KAT6B: variants seen among roughly 807,000 people sequenced by gnomAD.
KAT6B encodes lysine acetyltransferase 6B.
In KAT6B, 10 loss-of-function variants were observed where a neutral mutation model predicts 187.5. The observed-to-expected ratio is 0.05, with a 90% CI of 0.03 to 0.09. The LOEUF (loss-of-function observed/expected upper bound fraction) is 0.09. Among genes scored for constraint, KAT6B ranks in the 10% least tolerant of loss-of-function variants. KAT6B has a pLI of 1.00. For synonymous variants in KAT6B, 861 were observed against 926.8 expected, an observed-to-expected ratio of 0.93 and a Z score of 1.29; for missense variants, 1,952 against 2,558.9, an observed-to-expected ratio of 0.76 and a Z score of 5.12.
chr10:74,858,536 C>T (rs1842962114), intron 3 of KAT6B, among the ~76,000 whole-genome samples: 1 of 152,066 alleles, frequency 6.6e-6, no homozygotes, highest in Non-Finnish European at 1.5e-5. Context: ...CCTTGGCCTC[C>T]CAAAGTTCTG....
chr10:74,935,781 G>A (rs370844020), intron 3 of KAT6B, among the ~76,000 whole-genome samples: 2 of 152,222 alleles, frequency 1.3e-5, no homozygotes, highest in East Asian at 3.8e-4. Flanking sequence ...CCATGTGTAT[G>A]TATGGACACT....
chr10:74,973,811 TTA>T (rs1242418231), intron 7 of KAT6B, among the ~76,000 whole-genome samples: 1 of 152,136 alleles, frequency 6.6e-6, no homozygotes, highest in Non-Finnish European at 1.5e-5. Flanking sequence ...GAAGTAGAAA[TTA>T]TATGTTTTTG....
intron 1 of KAT6B, among the ~76,000 whole-genome samples, chr10:74,830,768 A>AT (rs1157500089): frequency 2.3e-4 from 4 of 17,112 alleles, no homozygotes; most frequent in Non-Finnish European, 3.8e-4. Context: ...ATATATATAT[A>AT]TTTTTTTTTT....
At chr10:74,991,227 A>G (rs1454228452) in intron 13 of KAT6B, among the ~76,000 whole-genome samples, 1 of 152,152 alleles carries the variant, frequency 6.6e-6, no homozygotes, top group Non-Finnish European at 1.5e-5. Flanking sequence ...AGTTTCCTTT[A>G]TAATAATATG....
intron 3 of KAT6B, among the ~76,000 whole-genome samples, chr10:74,953,621 T>C (rs940990980): frequency 9.9e-5 from 15 of 152,180 alleles, no homozygotes; most frequent in Admixed American, 3.9e-4. Flanking sequence ...TTAAGCAGTC[T>C]CATGAAAGAT....
chr10:75,029,058 G>A lies in KAT6B; in HGVS notation c.4234G>A (p.Glu1412Lys), dbSNP rs1475475243. 6.2e-7 allele frequency: 1 copy of A among 1,614,200 alleles called. No homozygotes were observed. Among genetic ancestry groups the A allele is most frequent in the Admixed American group, 1.7e-5 (1 of 60,024 alleles). The change falls in exon 18 of 18, where the codon GAG (glutamate) becomes AAG (lysine). Residue 1412 changes from glutamate (E) to lysine (K), a missense_variant. By Grantham distance (56) the Glu-to-Lys change is moderately conservative. This residue lies in a region of KAT6B where 758 missense variants were observed against 891.4 expected (regional missense o/e 0.85). Transcript: ENST00000287239. This position sits in a 1 kb window ranked among gnomAD's most constrained non-coding sequence, Gnocchi z 6.2. Reference sequence around the variant, plus strand: ...ACGTTTGGATGATCACGAAGAGGAGGAGGAAGAGGATGAAGAGCCATCCCA... The same window carrying A: ...ACGTTTGGATGATCACGAAGAGGAGAAGGAAGAGGATGAAGAGCCATCCCA... ...SARLDDHEEE[E>K]EEDEEPSHNE...
At chr10:74,859,414 A>C in intron 3 of KAT6B, among the ~76,000 whole-genome samples, 1 of 152,304 alleles carries the variant, frequency 6.6e-6, no homozygotes, top group Non-Finnish European at 1.5e-5. Context: ...AGAACCCTCA[A>C]TCAGAGAAGT....
chr10:75,026,939 C>A (rs1175092712), intron 17 of KAT6B, among the ~76,000 whole-genome samples: 1 of 152,102 alleles, frequency 6.6e-6, no homozygotes, highest in Non-Finnish European at 1.5e-5. Flanking sequence ...AGTTCAAGAC[C>A]AGCCTGACCA....
chr10:74,885,401 A>G (rs576454665), intron 3 of KAT6B, among the ~76,000 whole-genome samples: 17 of 152,354 alleles, frequency 1.1e-4, no homozygotes, highest in African/African-American at 4.1e-4. Context: ...GAAACTCTCC[A>G]TTTAGTATAA....
chr10:74,882,144 G>A (rs1257691271), intron 3 of KAT6B, among the ~76,000 whole-genome samples: 2 of 152,216 alleles, frequency 1.3e-5, no homozygotes, highest in African/African-American at 4.8e-5. Flanking sequence ...TCACTTAAGA[G>A]CTGAAAGCTC....
intron 3 of KAT6B, among the ~76,000 whole-genome samples, chr10:74,886,557 C>T (rs1025631891): frequency 1.3e-5 from 2 of 152,280 alleles, no homozygotes; most frequent in African/African-American, 4.8e-5. Flanking sequence ...CCTCTCCGCT[C>T]CCCCGTGCCC....
chr10:74,886,120 C>A (rs61125698), intron 3 of KAT6B, among the ~76,000 whole-genome samples: 138 of 152,282 alleles, frequency 9.1e-4, no homozygotes, highest in African/African-American at 3.2e-3. Context: ...TCAGTTTGTG[C>A]AAGCACGATG....
chr10:74,959,323 G>C (rs1052047436), intron 3 of KAT6B, among the ~76,000 whole-genome samples: 7 of 152,092 alleles, frequency 4.6e-5, no homozygotes, highest in African/African-American at 1.4e-4. Flanking sequence ...GATATTCATA[G>C]ACTATAATGC....
In KAT6B at chr10:74,976,524, T is replaced by G. The variant is rs114904620; in HGVS notation, c.1993+194T>G. ...CTGACTAAACCTCCAAAATGTTGTT[T>G]TTCCAACTAATACTCTCCCACCTTT... On this transcript the variant is annotated intron_variant, in intron 8 of 17. Coordinates refer to ENST00000287239, the MANE Select transcript of KAT6B (RefSeq NM_012330.4). 2.2e-3 allele frequency: 1,375 copies of G among 633,774 alleles called. 9 individuals are homozygous for G. The African/African-American group carries it at 0.022, about 10-fold the overall frequency. 39.3% of individuals were successfully genotyped at this position (633,774 alleles called of 1,614,324 possible).
intron 4 of KAT6B, among the ~76,000 whole-genome samples, chr10:74,961,180 A>G (rs1305932986): frequency 6.6e-6 from 1 of 152,162 alleles, no homozygotes; most frequent in Admixed American, 6.5e-5. Flanking sequence ...GATAGTGACA[A>G]AAGGGCATGG....
chr10:74,912,375 G>GGATAGATAGATAGATAGATAGATA (rs35051764), intron 3 of KAT6B, among the ~76,000 whole-genome samples: 119 of 145,640 alleles, frequency 8.2e-4, no homozygotes, highest in African/African-American at 9.9e-4. Flanking sequence ...ATGGATGGAT[G>GGATAGATAGATAGATAGATAGATA]GATAGATAGA....
At chr10:74,836,275 C>T (rs973624443) in intron 1 of KAT6B, among the ~76,000 whole-genome samples, 1 of 152,226 alleles carries the variant, frequency 6.6e-6, no homozygotes, top group Admixed American at 6.5e-5. Flanking sequence ...TTGTTATGAA[C>T]ATGGGTGTAC....
intron 3 of KAT6B, among the ~76,000 whole-genome samples, chr10:74,875,474 C>CTTTTTTTT (rs553387866): frequency 2.2e-5 from 3 of 138,976 alleles, no homozygotes; most frequent in African/African-American, 2.6e-5. Context: ...TCCTTTTTTT[C>CTTTTTTTT]TTTTTTTTTT....
intron 3 of KAT6B, among the ~76,000 whole-genome samples, chr10:74,897,517 C>G (rs1341066264): frequency 1.3e-5 from 2 of 152,206 alleles, no homozygotes; most frequent in Admixed American, 6.5e-5. Flanking sequence ...AGTCATTTTA[C>G]CTGCATTAAA....
Sources: allele counts gnomAD v4.1 joint callset (sites outside exome capture counted in the v4.1 genomes callset), GRCh38; gene constraint gnomAD v4.1.1; regional missense constraint gnomAD v4.1.1; non-coding constraint Gnocchi (gnomAD v3.1); transcripts MANE v1.5; gene names NCBI Gene and HGNC (gene_info 2026-07-23, HGNC 2026-07-21).